The following LARGE1 variants were observed in gnomAD, a reference collection of about 807,000 sequenced individuals.
LARGE1 encodes LARGE xylosyl- and glucuronyltransferase 1, also known as xylosyl- and glucuronyltransferase LARGE1.
In LARGE1, 43 loss-of-function variants were observed where a neutral mutation model predicts 87.6. That is an observed-to-expected ratio of 0.49 (90% CI 0.38 to 0.63). The LOEUF is 0.63. Among genes scored for constraint, LARGE1 ranks in the 30% least tolerant of loss-of-function variants. The pLI is 0.00. For missense variants in LARGE1, 802 were observed against 1,000.2 expected (o/e 0.80, Z 2.67); for synonymous variants, 434 against 394.6 (o/e 1.10, Z -1.18).
intron 6 of LARGE1, among the ~76,000 whole-genome samples, chr22:33,450,365 G>T (rs1360937299): frequency 1.3e-5 from 2 of 151,568 alleles, no homozygotes; most frequent in Non-Finnish European, 2.9e-5. Context: ...CCCTTGGGAG[G>T]CCGAGGCAGG....
chr22:33,173,253 G>A (rs1602043823), intron 11 of LARGE1, among the ~76,000 whole-genome samples: 1 of 152,084 alleles, frequency 6.6e-6, no homozygotes, highest in Non-Finnish European at 1.5e-5. Flanking sequence ...CATATAGAAC[G>A]AAACTAAGCT....
At chr22:33,384,635 G>C (rs1223830823) in intron 7 of LARGE1, among the ~76,000 whole-genome samples, 1 of 148,856 alleles carries the variant, frequency 6.7e-6, no homozygotes, top group African/African-American at 2.4e-5. Context: ...GAAGGAGTAA[G>C]TGATGAGGGC....
At chr22:33,230,941 C>T (rs994031134) in intron 11 of LARGE1, among the ~76,000 whole-genome samples, 1 of 152,196 alleles carries the variant, frequency 6.6e-6, no homozygotes, top group Non-Finnish European at 1.5e-5. Flanking sequence ...GCCATCGTGT[C>T]CTATTGTAAC....
intron 1 of LARGE1, among the ~76,000 whole-genome samples, chr22:33,786,411 G>T (rs1165877016): frequency 6.6e-6 from 1 of 152,156 alleles, no homozygotes; most frequent in Non-Finnish European, 1.5e-5. Flanking sequence ...ATTAGATTTG[G>T]TCCCTGGAAT....
intron 6 of LARGE1, among the ~76,000 whole-genome samples, chr22:33,526,466 T>G (rs1161251327): frequency 6.6e-6 from 1 of 152,228 alleles, no homozygotes; most frequent in African/African-American, 2.4e-5. Flanking sequence ...TTGCAGGCAT[T>G]TATCAGATGA....
intron 11 of LARGE1, among the ~76,000 whole-genome samples, chr22:33,226,884 C>G (rs913871606): frequency 5.3e-5 from 8 of 152,004 alleles, no homozygotes; most frequent in African/African-American, 1.9e-4. Flanking sequence ...CGCCTGCCGC[C>G]GCGCCTGGCT....
chr22:33,707,341 A>G (rs1339456583), intron 2 of LARGE1, among the ~76,000 whole-genome samples: 1 of 152,250 alleles, frequency 6.6e-6, no homozygotes, highest in Non-Finnish European at 1.5e-5. Context: ...TGGGAAAAAC[A>G]TTCAACCTCC....
chr22:33,075,463 C>A, the LARGE1 span, among the ~76,000 whole-genome samples: 2 of 152,300 alleles, frequency 1.3e-5, no homozygotes, highest in East Asian at 1.9e-4. Flanking sequence ...CAATTCTACA[C>A]CATGTGGTGA....
chr22:33,114,166 G>T, the LARGE1 span, among the ~76,000 whole-genome samples: 3 of 152,062 alleles, frequency 2.0e-5, no homozygotes, highest in Admixed American at 6.6e-5. Context: ...GTGAGCCACC[G>T]CGCCCGGCCG....
intron 4 of LARGE1, among the ~76,000 whole-genome samples, chr22:33,613,461 G>C (rs2079497575): frequency 6.6e-6 from 1 of 152,172 alleles, no homozygotes; most frequent in African/African-American, 2.4e-5. Context: ...TGGGAATCAA[G>C]AAGCACCCAA....
At chr22:33,477,980 C>T (rs2069152112) in intron 6 of LARGE1, among the ~76,000 whole-genome samples, 2 of 152,172 alleles carry the variant, frequency 1.3e-5, no homozygotes, top group Admixed American at 6.5e-5. Context: ...TTCCTGGAAG[C>T]CCTCCTCTAA....
At chr22:33,878,373 C>G (rs1188618036) in intron 1 of LARGE1, among the ~76,000 whole-genome samples, 1 of 151,848 alleles carries the variant, frequency 6.6e-6, no homozygotes, top group Non-Finnish European at 1.5e-5. Flanking sequence ...TTGTGATCCG[C>G]CCGCCTCAGC....
chr22:33,548,013 A>G (rs1462621821), intron 6 of LARGE1, among the ~76,000 whole-genome samples: 1 of 152,022 alleles, frequency 6.6e-6, no homozygotes, highest in Non-Finnish European at 1.5e-5. Flanking sequence ...CCAACTCCCA[A>G]TATAAGGCAG....
intron 2 of LARGE1, among the ~76,000 whole-genome samples, chr22:33,689,796 G>A (rs2082046064): frequency 6.6e-6 from 1 of 152,120 alleles, no homozygotes. Flanking sequence ...GCATGGTGGT[G>A]GGTGCCTGTA....
At chr22:33,611,062 G>A (rs1423995736) in intron 4 of LARGE1, among the ~76,000 whole-genome samples, 3 of 151,390 alleles carry the variant, frequency 2.0e-5, no homozygotes, top group African/African-American at 7.4e-5. Context: ...AAGCCTGGGT[G>A]CCCATGCAGA....
At chr22:33,367,036 G>A (rs2064621546) in intron 9 of LARGE1, among the ~76,000 whole-genome samples, 1 of 152,084 alleles carries the variant, frequency 6.6e-6, no homozygotes, top group South Asian at 2.1e-4. Flanking sequence ...TCTTAAATCG[G>A]TTTTGGTAAG....
intron 2 of LARGE1, among the ~76,000 whole-genome samples, chr22:33,703,584 G>A (rs1228698853): frequency 6.6e-6 from 1 of 152,182 alleles, no homozygotes; most frequent in Non-Finnish European, 1.5e-5. Flanking sequence ...GAGAGATGCA[G>A]GAAGAGTCGG....
rs1428560609 is a variant in LARGE1 at position 33,696,500 on chromosome 22, CAA to C, written c.107-45834_107-45833del. The stretch of plus-strand genomic sequence containing the variant: ...CTGGTCTCGAGCTCCTGACCTCAAT[CAA>C]TCCGCCCGCCTTGGCCTCCCAAAGT... On this transcript the variant is annotated intron_variant, in intron 2 of 14. Coordinates refer to ENST00000397394, the MANE Select transcript of LARGE1 (RefSeq NM_133642.5). Among the ~76,000 whole-genome samples the C allele has an allele frequency of 3.3e-5, 5 of 152,048 alleles. No individual in the cohort carries two copies. The South Asian group carries it at 1.0e-3, about 32-fold the overall frequency.
chr22:33,856,001 C>T (rs1035562659), intron 1 of LARGE1, among the ~76,000 whole-genome samples: 10 of 152,128 alleles, frequency 6.6e-5, no homozygotes, highest in Non-Finnish European at 1.3e-4. Context: ...AGACGCACCC[C>T]GCACCTCTGT....
Sources: gnomAD v4.1 joint callset for allele counts (sites outside exome capture counted in the v4.1 genomes callset) on GRCh38, gnomAD v4.1.1 for gene constraint, MANE v1.5 for transcripts, NCBI Gene and HGNC (gene_info 2026-07-23, HGNC 2026-07-21) for gene names.